Variants in REV3L observed in about 807,000 individuals in gnomAD.
REV3L encodes DNA polymerase zeta catalytic subunit.
In REV3L, 69 loss-of-function variants were observed where a neutral mutation model predicts 299.4. The observed-to-expected ratio is 0.23, with a 90% CI of 0.19 to 0.28. The LOEUF (loss-of-function observed/expected upper bound fraction) is 0.28, where lower values mean the gene tolerates loss of function less well. REV3L is among the 10% of genes least tolerant of loss of function. The pLI is 1.00. For missense variants in REV3L, 3,128 were observed against 3,693.8 expected (o/e 0.85, Z 3.97); for synonymous variants, 1,238 against 1,271.4 (o/e 0.97, Z 0.56).
intron 18 of REV3L, among the ~76,000 whole-genome samples, chr6:111,354,744 A>C (rs998873022): frequency 6.6e-6 from 1 of 152,226 alleles, no homozygotes; most frequent in Non-Finnish European, 1.5e-5. Context: ...CAGAAAGAAT[A>C]AAGTTGGGTA....
At chr6:111,474,362 G>T (rs971579255) in intron 1 of REV3L, among the ~76,000 whole-genome samples, 1 of 152,142 alleles carries the variant, frequency 6.6e-6, no homozygotes. Flanking sequence ...TCCTCTCATT[G>T]TAAGTGGGTT....
intron 1 of REV3L, among the ~76,000 whole-genome samples, chr6:111,448,792 T>TC: frequency 6.6e-6 from 1 of 150,714 alleles, no homozygotes; most frequent in South Asian, 2.1e-4. Context: ...GGCTATTTTT[T>TC]TTTTTTTTTT....
intron 30 of REV3L, chr6:111,307,947 C>G (rs186743655): frequency 1.4e-5 from 4 of 280,352 alleles, no homozygotes; most frequent in South Asian, 6.7e-5. Flanking sequence ...CTCCCCACCC[C>G]CCGACAGGCC....
At chr6:111,361,937 G>A (rs1323293335) in intron 16 of REV3L, among the ~76,000 whole-genome samples, 1 of 152,186 alleles carries the variant, frequency 6.6e-6, no homozygotes. Flanking sequence ...GACCTCCAGA[G>A]TGATTTTAAC....
chr6:111,371,825 A>G (rs553680444), intron 13 of REV3L, among the ~76,000 whole-genome samples: 2 of 152,094 alleles, frequency 1.3e-5, no homozygotes, highest in African/African-American at 4.8e-5. Flanking sequence ...CGGCCTCCCA[A>G]AGTGCTGGGA....
chr6:111,309,521 G>A lies in REV3L; in HGVS notation c.9042+332C>T, dbSNP rs575138679. On this transcript the variant is annotated intron_variant, in intron 30 of 31. Coordinates refer to ENST00000368802, the MANE Select transcript of REV3L (RefSeq NM_001372078.1). ...ACCGAAGTGTTCCTCACAATGTCCA[G>A]CCGCTCGTGTGTCTGCCCACTAGGG... is the stretch of plus-strand genomic sequence containing the variant. The A allele has an allele frequency of 2.2e-4, 39 of 175,832 alleles. 1 individual carries two copies. In the South Asian group the frequency reaches 7.0e-3, roughly 31 times the overall value. The allele number at this position is 175,832 out of a possible 1,614,324, so 10.9% of individuals were successfully genotyped here. A position where few individuals can be genotyped will look rare whatever the true frequency, so the allele number is the denominator to read the frequency against.
At chr6:111,329,503 T>A (rs1383114156) in intron 25 of REV3L, 29 bp downstream of exon 25, 2 of 1,606,824 alleles carry the variant, frequency 1.2e-6, no homozygotes, top group African/African-American at 1.3e-5. Flanking sequence ...TAGTCTCTTT[T>A]GAAAAAACTA....
rs569442321 is a variant in REV3L at position 111,397,114 on chromosome 6, G to A, written c.566-4142C>T. Among the ~76,000 whole-genome samples, 38 of 147,128 alleles carry A rather than the reference G, an allele frequency of 2.6e-4. 4 individuals are homozygous for A. The highest frequency in any genetic ancestry group is 2.5e-3 in the Admixed American group (37 of 14,768). ...TATTTTTTTTTTTAGTCTCTATTTT[G>A]TTTAGTTCTACTCTGATCTTTATTA... On this transcript the variant is annotated intron_variant, in intron 4 of 31. Coordinates refer to ENST00000368802, the MANE Select transcript of REV3L (RefSeq NM_001372078.1).
At chr6:111,305,578 C>A (rs927606212) in intron 31 of REV3L, among the ~76,000 whole-genome samples, 1 of 151,362 alleles carries the variant, frequency 6.6e-6, no homozygotes, top group Admixed American at 6.6e-5. Context: ...CAAAGTGAGA[C>A]CCTACCTCAA....
chr6:111,326,612 C>CG (rs1017707474), intron 25 of REV3L, among the ~76,000 whole-genome samples: 2 of 148,166 alleles, frequency 1.3e-5, no homozygotes, highest in Admixed American at 1.4e-4. Flanking sequence ...TATACCCCCC[C>CG]CAAAAAAAAA....
chr6:111,329,838 T>C lies in REV3L; in HGVS notation c.8035-100A>G, dbSNP rs565280775. The C allele has an allele frequency of 7.4e-5, 63 of 849,230 alleles. 1 individual carries two copies. In the South Asian group the frequency reaches 8.6e-4, roughly 12 times the overall value. The allele number at this position is 849,230 out of a possible 1,614,324, so 52.6% of individuals were successfully genotyped here. A position where few individuals can be genotyped will look rare whatever the true frequency, so the allele number is the denominator to read the frequency against. On this transcript the variant is annotated intron_variant, in intron 24 of 31. Coordinates refer to ENST00000368802, the MANE Select transcript of REV3L (RefSeq NM_001372078.1). ...CATAATAATGGCCAACTGTCAGGAA[T>C]TGAAACATGCTAACAACAGAGTGAC...
rs1371488283 is a variant in REV3L at position 111,483,014 on chromosome 6, A to T, written c.-126T>A. On this transcript the variant is annotated 5_prime_UTR_variant, in exon 1 of 32. Transcript: ENST00000368802. ...TCTCGGCACGGCCCCCTCCCCTCAC[A>T]CAGAGGCACCTCGAGGAGCGGCGGG... 1.8e-6 allele frequency: 2 copies of T among 1,119,736 alleles called. No homozygotes were observed. The highest frequency in any genetic ancestry group is 4.6e-5 in the South Asian group (2 of 43,278). The allele number at this position is 1,119,736 out of a possible 1,614,324, so 69.4% of individuals were successfully genotyped here.
intron 1 of REV3L, among the ~76,000 whole-genome samples, chr6:111,427,354 A>T (rs978752951): frequency 6.6e-6 from 1 of 152,184 alleles, no homozygotes; most frequent in Non-Finnish European, 1.5e-5. Flanking sequence ...AGGGACTTGT[A>T]TCTAGAACAA....
intron 4 of REV3L, among the ~76,000 whole-genome samples, chr6:111,396,162 G>A (rs1782482025): frequency 6.6e-6 from 1 of 152,048 alleles, no homozygotes; most frequent in Non-Finnish European, 1.5e-5. Flanking sequence ...AAGTAGGTGG[G>A]ACTACAGGTG....
rs936084567 is a variant in REV3L at position 111,330,845 on chromosome 6, A to G, written c.8034+831T>C. 2.2e-5 allele frequency: 6 copies of G among 268,856 alleles called. No individual in the cohort carries two copies. The Admixed American group carries it at 3.9e-4, about 17-fold the overall frequency. 16.7% of individuals were successfully genotyped at this position (268,856 alleles called of 1,614,324 possible). A position where few individuals can be genotyped will look rare whatever the true frequency, so the allele number is the denominator to read the frequency against. On this transcript the variant is annotated intron_variant, in intron 24 of 31. Coordinates refer to ENST00000368802, the MANE Select transcript of REV3L (RefSeq NM_001372078.1). ...ATCTACATCAGTCCTTAGAAATACT[A>G]CATTTTAAAATTTTCCAAAAAGAAA...
chr6:111,401,858 C>T (rs757929422), intron 4 of REV3L, among the ~76,000 whole-genome samples: 39 of 152,104 alleles, frequency 2.6e-4, no homozygotes, highest in Non-Finnish European at 4.9e-4. Context: ...TGCCTGTAAT[C>T]CCAGCACTTT....
intron 1 of REV3L, among the ~76,000 whole-genome samples, chr6:111,468,385 A>C (rs1376808294): frequency 1.3e-5 from 2 of 152,206 alleles, no homozygotes; most frequent in African/African-American, 4.8e-5. Flanking sequence ...CAATTTACAG[A>C]TGGAGATGAA....
At chr6:111,438,014 A>AT (rs113741430) in intron 1 of REV3L, among the ~76,000 whole-genome samples, 80,782 of 146,574 alleles carry the variant, frequency 0.55, 27,080 homozygotes, top group Non-Finnish European at 0.76. Context: ...CACCTGCCTA[A>AT]TTTTTTTTTT....
At chr6:111,442,294 C>T (rs1788360694) in intron 1 of REV3L, among the ~76,000 whole-genome samples, 1 of 152,178 alleles carries the variant, frequency 6.6e-6, no homozygotes, top group Admixed American at 6.5e-5. Flanking sequence ...CTTTTTCTCT[C>T]TTTAGTTCTC....
Sources: gnomAD v4.1 joint callset for allele counts (sites outside exome capture counted in the v4.1 genomes callset) on GRCh38, gnomAD v4.1.1 for gene constraint, MANE v1.5 for transcripts, NCBI Gene and HGNC (gene_info 2026-07-23, HGNC 2026-07-21) for gene names.